The following GLRA2 variants were observed in gnomAD, a reference collection of about 807,000 sequenced individuals.
The protein encoded by GLRA2 is glycine receptor subunit alpha-2.
Under a neutral mutation model 31.6 loss-of-function variants are expected in GLRA2, and 11 were observed. That is an observed-to-expected ratio of 0.35 (90% CI 0.22 to 0.58). The LOEUF (loss-of-function observed/expected upper bound fraction) is 0.58, where lower values mean the gene tolerates loss of function less well. GLRA2 is among the 20% of genes least tolerant of loss of function. The pLI is 0.84. For missense variants in GLRA2, 212 were observed against 351.8 expected (o/e 0.60, Z 3.18); for synonymous variants, 132 against 134.0 (o/e 0.99, Z 0.10).
the GLRA2 span, among the ~76,000 whole-genome samples, chrX:14,467,024 T>C: frequency 8.9e-6 from 1 of 112,182 alleles, no homozygotes; most frequent in Non-Finnish European, 1.9e-5. Context: ...TGTCAGTTCC[T>C]AGAAGGAAAG....
At chrX:14,526,556 T>C (rs2089188212), upstream of GLRA2, among the ~76,000 whole-genome samples, 1 of 110,975 alleles carries the variant, frequency 9.0e-6, no homozygotes, top group East Asian at 2.8e-4. Flanking sequence ...TGAGAAGATT[T>C]AGGAGAAAAA....
At chrX:14,570,075 G>C (rs764299744) in intron 2 of GLRA2, among the ~76,000 whole-genome samples, 1 of 111,785 alleles carries the variant, frequency 8.9e-6, no homozygotes, top group East Asian at 2.8e-4. Flanking sequence ...GTAGATTAGA[G>C]GTTACCAGAA....
chrX:14,634,483 C>G (rs1413096567), intron 7 of GLRA2, among the ~76,000 whole-genome samples: 1 of 111,789 alleles, frequency 8.9e-6, no homozygotes, highest in Non-Finnish European at 1.9e-5. Flanking sequence ...AAGCTCCTGT[C>G]TTTGGTCTTT....
At chrX:14,544,502 A>G (rs1167677985) in intron 2 of GLRA2, among the ~76,000 whole-genome samples, 2 of 111,379 alleles carry the variant, frequency 1.8e-5, no homozygotes, top group South Asian at 7.5e-4. Context: ...TTTTTCCATC[A>G]CTTCCTTGCA....
chrX:14,464,881 A>G, the GLRA2 span, among the ~76,000 whole-genome samples: 5 of 112,121 alleles, frequency 4.5e-5, no homozygotes, highest in Admixed American at 1.9e-4. Flanking sequence ...TGACAGCACC[A>G]TGTTGTTTTT....
At chrX:14,582,032 C>T (rs1479933648) in intron 4 of GLRA2, among the ~76,000 whole-genome samples, 1 of 103,167 alleles carries the variant, frequency 9.7e-6, no homozygotes, top group Non-Finnish European at 2.0e-5. Context: ...TAATCTCCCC[C>T]TTTTCTGAAC....
At chrX:14,491,497 T>G in the GLRA2 span, among the ~76,000 whole-genome samples, 3 of 112,403 alleles carry the variant, frequency 2.7e-5, no homozygotes, top group Non-Finnish European at 3.8e-5. Context: ...TCTTTTAATT[T>G]AGCTTTGTCA....
intron 2 of GLRA2, among the ~76,000 whole-genome samples, chrX:14,571,779 G>T (rs3027342): frequency 9.1e-6 from 1 of 109,662 alleles, no homozygotes; most frequent in African/African-American, 3.3e-5. Flanking sequence ...CCAAAAAAAA[G>T]TGCCCAAAAT....
At chrX:14,640,977 C>A (rs2090766010) in intron 7 of GLRA2, among the ~76,000 whole-genome samples, 1 of 110,913 alleles carries the variant, frequency 9.0e-6, no homozygotes, top group East Asian at 2.8e-4. Flanking sequence ...AATTTACAGT[C>A]CCCTAGCAAA....
chrX:14,599,531 A>G (rs2090244184), intron 4 of GLRA2, among the ~76,000 whole-genome samples: 1 of 112,460 alleles, frequency 8.9e-6, no homozygotes, highest in African/African-American at 3.2e-5. Context: ...ATTTGGTGCA[A>G]TTTCTGCATG....
At chrX:14,523,198 G>T in the GLRA2 span, among the ~76,000 whole-genome samples, 1 of 111,847 alleles carries the variant, frequency 8.9e-6, no homozygotes, top group East Asian at 2.8e-4. Context: ...ATGTTATGGA[G>T]GTGGCTTCTT....
chrX:14,708,156 C>A (rs974750065), intron 8 of GLRA2, among the ~76,000 whole-genome samples: 1 of 111,608 alleles, frequency 9.0e-6, no homozygotes, highest in Non-Finnish European at 1.9e-5. Context: ...TATCCCTTGA[C>A]CAACATCTTC....
intron 2 of GLRA2, among the ~76,000 whole-genome samples, chrX:14,548,363 GAATTT>G (rs1045235259): frequency 9.0e-6 from 1 of 111,397 alleles, no homozygotes; most frequent in African/African-American, 3.3e-5. Flanking sequence ...AGGTTGAATT[GAATTT>G]ATCTTTGAAG....
the GLRA2 span, among the ~76,000 whole-genome samples, chrX:14,456,619 CT>C: frequency 1.8e-5 from 2 of 112,009 alleles, no homozygotes; most frequent in Admixed American, 1.9e-4. Flanking sequence ...ATTTAACTTT[CT>C]TTTTCTGGCT....
the GLRA2 span, among the ~76,000 whole-genome samples, chrX:14,480,461 T>C: frequency 8.9e-6 from 1 of 111,940 alleles, no homozygotes; most frequent in Admixed American, 9.5e-5. Flanking sequence ...AGAATGATGT[T>C]TCCTATGTTT....
At chrX:14,620,092 C>T (rs774963877) in intron 7 of GLRA2, among the ~76,000 whole-genome samples, 1 of 108,598 alleles carries the variant, frequency 9.2e-6, no homozygotes, top group African/African-American at 3.3e-5. Context: ...ATAAGTTTCA[C>T]TTCTCTGATA....
Position 14,562,830 on chromosome X carries a change from T to C in GLRA2, c.203-11503T>C, listed in dbSNP as rs143076705. On this transcript the variant is annotated intron_variant, in intron 2 of 8. Coordinates refer to ENST00000218075, the MANE Select transcript of GLRA2 (RefSeq NM_002063.4). The stretch of plus-strand genomic sequence containing the variant: ...CCTTTATAGACCTTATCTCCAAATA[T>C]GGTTACATTTTGAGGTACTGAGGGT... Among the ~76,000 whole-genome samples, 118 of 111,541 alleles carry C rather than the reference T, an allele frequency of 1.1e-3. 1 individual carries two copies. The highest frequency in any genetic ancestry group is 3.4e-3 in the African/African-American group (104 of 30,670).
intron 7 of GLRA2, among the ~76,000 whole-genome samples, chrX:14,633,810 A>G (rs2090678351): frequency 1.0e-5 from 1 of 99,846 alleles, no homozygotes; most frequent in Admixed American, 1.0e-4. Context: ...ATAAAACCAT[A>G]TAGTGCATGA....
the GLRA2 span, among the ~76,000 whole-genome samples, chrX:14,462,191 C>A: frequency 1.8e-5 from 2 of 112,137 alleles, no homozygotes; most frequent in Non-Finnish European, 3.8e-5. Flanking sequence ...TCTCTTCTGG[C>A]TTGTAGGGTT....
Sources: allele counts gnomAD v4.1 joint callset (sites outside exome capture counted in the v4.1 genomes callset), GRCh38; gene constraint gnomAD v4.1.1; transcripts MANE v1.5; gene names NCBI Gene and HGNC (gene_info 2026-07-23, HGNC 2026-07-21).